POC1A: variants seen among roughly 807,000 people sequenced by gnomAD.
POC1A encodes POC1 centriolar protein A.
A neutral mutation model predicts 47.8 loss-of-function variants in POC1A; 34 were observed. The observed-to-expected ratio is 0.71, with a 90% CI of 0.54 to 0.95. The LOEUF (loss-of-function observed/expected upper bound fraction) is 0.95, where lower values mean the gene tolerates loss of function less well. Ranked by LOEUF, POC1A falls within the 40% of genes least tolerant of loss-of-function variation. The probability of loss-of-function intolerance (pLI) is 0.00; values close to 1 mark genes in which losing one functional copy is unlikely to be tolerated. For synonymous variants in POC1A, 177 were observed against 207.6 expected (o/e 0.85, Z 1.27); for missense variants, 466 against 528.3 (o/e 0.88, Z 1.16).
At chr3:52,093,239 G>A (rs189365940) in intron 10 of POC1A, among the ~76,000 whole-genome samples, 6 of 152,312 alleles carry the variant, frequency 3.9e-5, no homozygotes, top group Non-Finnish European at 1.5e-5. Context: ...GCCTGGCTCT[G>A]ACCTTGGCAG....
chr3:52,140,179 C>T (rs564847006), intron 6 of POC1A, among the ~76,000 whole-genome samples: 1 of 152,152 alleles, frequency 6.6e-6, no homozygotes, highest in Admixed American at 6.5e-5. Context: ...GCTGATGTGC[C>T]GATGTGCCGG....
intron 1 of POC1A, 48 bp from the exon 2 acceptor site, chr3:52,151,148 G>A (rs772257617): frequency 1.2e-6 from 2 of 1,611,092 alleles, no homozygotes; most frequent in South Asian, 1.1e-5. Flanking sequence ...TGAGGAAGGG[G>A]CTTCCCCAGG....
intron 6 of POC1A, among the ~76,000 whole-genome samples, chr3:52,142,648 C>T (rs1698235139): frequency 6.6e-6 from 1 of 152,226 alleles, no homozygotes; most frequent in Non-Finnish European, 1.5e-5. Context: ...CTGGAAGTGC[C>T]TGATGCCCAT....
chr3:52,119,181 T>C (rs534627520), intron 9 of POC1A, among the ~76,000 whole-genome samples: 3 of 152,168 alleles, frequency 2.0e-5, no homozygotes, highest in East Asian at 1.9e-4. Context: ...GCTGCTGGAA[T>C]AGTCCTCGTC....
chr3:52,153,493 GC>G (rs1439578174), intron 1 of POC1A, among the ~76,000 whole-genome samples: 5 of 152,248 alleles, frequency 3.3e-5, no homozygotes, highest in Non-Finnish European at 7.3e-5. Context: ...AGAGGGAGGA[GC>G]AGCTGGGGGA....
intron 9 of POC1A, among the ~76,000 whole-genome samples, chr3:52,110,537 C>T (rs192808655): frequency 2.0e-5 from 3 of 152,318 alleles, no homozygotes; most frequent in Admixed American, 6.5e-5. Flanking sequence ...GAAGAAAGAT[C>T]CTTAAATGCC....
chr3:52,088,201 C>T (rs973308889), intron 10 of POC1A, among the ~76,000 whole-genome samples: 2 of 152,100 alleles, frequency 1.3e-5, no homozygotes, highest in Admixed American at 6.5e-5. Flanking sequence ...CCCAACAAGG[C>T]CACCTCCGGG....
At chr3:52,097,469 T>G (rs1702858465) in intron 9 of POC1A, among the ~76,000 whole-genome samples, 1 of 152,220 alleles carries the variant, frequency 6.6e-6, no homozygotes, top group Non-Finnish European at 1.5e-5. Flanking sequence ...CCTTGCCTTA[T>G]GCACAAAGGC....
chr3:52,122,320 C>T (rs1229291999), intron 9 of POC1A, 59 bp downstream of exon 9: 12 of 982,882 alleles, frequency 1.2e-5, no homozygotes, highest in Middle Eastern at 2.3e-4. Flanking sequence ...CAGAGCTGTT[C>T]ACCATGACCT....
chr3:52,136,957 G>T (rs546561050), intron 7 of POC1A, among the ~76,000 whole-genome samples: 1 of 152,304 alleles, frequency 6.6e-6, no homozygotes, highest in African/African-American at 2.4e-5. Flanking sequence ...AGGGGAGCAG[G>T]AGCGGTAGCA....
chr3:52,135,497 C>T (rs1577901534), intron 7 of POC1A, among the ~76,000 whole-genome samples: 1 of 152,234 alleles, frequency 6.6e-6, no homozygotes, highest in East Asian at 1.9e-4. Flanking sequence ...AATCTTCCCA[C>T]TTCAGCCTCC....
chr3:52,152,835 G>A (rs1187702226), intron 1 of POC1A, among the ~76,000 whole-genome samples: 3 of 152,150 alleles, frequency 2.0e-5, no homozygotes, highest in Non-Finnish European at 4.4e-5. Flanking sequence ...CCATAAAACC[G>A]ACTGAAGTGC....
chr3:52,083,894 G>A, intron 10 of POC1A, among the ~76,000 whole-genome samples: 1 of 152,246 alleles, frequency 6.6e-6, no homozygotes, highest in Non-Finnish European at 1.5e-5. Flanking sequence ...CAAAGGCCCT[G>A]AAGCACACTC....
At chr3:52,142,108 A>G (rs1423648297) in intron 6 of POC1A, among the ~76,000 whole-genome samples, 1 of 152,248 alleles carries the variant, frequency 6.6e-6, no homozygotes, top group African/African-American at 2.4e-5. Context: ...TAGCTGTGTG[A>G]CTGTGGGCTG....
At chr3:52,143,751 C>A (rs778821851) in intron 6 of POC1A, among the ~76,000 whole-genome samples, 2 of 152,194 alleles carry the variant, frequency 1.3e-5, no homozygotes, top group Non-Finnish European at 2.9e-5. Context: ...ATGGGGCACA[C>A]CAGCCCCCAA....
At chr3:52,103,173 C>G (rs745819434) in intron 9 of POC1A, among the ~76,000 whole-genome samples, 2 of 152,242 alleles carry the variant, frequency 1.3e-5, no homozygotes, top group Non-Finnish European at 2.9e-5. Context: ...AACTTCGGTA[C>G]ATACCTTGCA....
intron 7 of POC1A, among the ~76,000 whole-genome samples, chr3:52,133,505 C>T (rs1432738948): frequency 1.3e-5 from 2 of 152,176 alleles, no homozygotes; most frequent in Non-Finnish European, 2.9e-5. Flanking sequence ...TACCAAACCA[C>T]CCGCACGCTG....
chr3:52,117,409 G>A (rs946016443), intron 9 of POC1A, among the ~76,000 whole-genome samples: 8 of 152,296 alleles, frequency 5.3e-5, no homozygotes, highest in Admixed American at 2.6e-4. Context: ...GATGCACCAC[G>A]CATGAAATCC....
intron 10 of POC1A, among the ~76,000 whole-genome samples, chr3:52,095,100 G>A (rs1013445681): frequency 2.6e-5 from 4 of 152,156 alleles, no homozygotes; most frequent in Non-Finnish European, 4.4e-5. Flanking sequence ...AGTTCTAATT[G>A]ATTCCACCTC....
Sources: allele counts gnomAD v4.1 joint callset (sites outside exome capture counted in the v4.1 genomes callset), GRCh38; gene constraint gnomAD v4.1.1; transcripts MANE v1.5; gene names NCBI Gene and HGNC (gene_info 2026-07-23, HGNC 2026-07-21).